The following AFF3 variants were observed in gnomAD, a reference collection of about 807,000 sequenced individuals.
The protein encoded by AFF3 is ALF transcription elongation factor 3, also known as AF4/FMR2 family member 3.
In AFF3, 32 loss-of-function variants were observed where a neutral mutation model predicts 129.7. The ratio of observed to expected loss-of-function variants is 0.25; its 90% confidence interval spans 0.19 to 0.33. The LOEUF (loss-of-function observed/expected upper bound fraction) is 0.33. AFF3 is among the 10% of genes least tolerant of loss of function. The pLI is 1.00. For synonymous variants in AFF3, 644 were observed against 635.4 expected (o/e 1.01, Z -0.20); for missense variants, 1,373 against 1,592.0 (o/e 0.86, Z 2.34).
intron 7 of AFF3, among the ~76,000 whole-genome samples, chr2:99,890,219 C>G (rs1324664134): frequency 1.3e-5 from 2 of 152,156 alleles, no homozygotes; most frequent in Admixed American, 1.3e-4. Flanking sequence ...CTACAGGTGG[C>G]CACTTCCACC....
chr2:99,990,413 A>T (rs1680237282), intron 7 of AFF3, among the ~76,000 whole-genome samples: 1 of 152,204 alleles, frequency 6.6e-6, no homozygotes, highest in Non-Finnish European at 1.5e-5. Flanking sequence ...TAAATAGTTA[A>T]GATGGTAAAT....
Position 99,551,351 on chromosome 2 carries a change from T to C in AFF3, c.*123A>G. 3 of 1,344,628 alleles carry C rather than the reference T, an allele frequency of 2.2e-6. No individual in the cohort carries two copies. Among genetic ancestry groups the C allele is most frequent in the Non-Finnish European group, 3.0e-6 (3 of 988,280 alleles). 83.3% of individuals were successfully genotyped at this position (1,344,628 alleles called of 1,614,324 possible). A position where few individuals can be genotyped will look rare whatever the true frequency, so the allele number is the denominator to read the frequency against. On this transcript the variant is annotated 3_prime_UTR_variant, in exon 25 of 25. Transcript: ENST00000672756. ...TGCCCTGCAAAAGATCATTGTTCAA[T>C]GCTGAGGAAATGTTCACCGCAGTCT...
intron 4 of AFF3, among the ~76,000 whole-genome samples, chr2:100,010,883 C>T (rs542718008): frequency 2.4e-4 from 37 of 152,180 alleles, no homozygotes; most frequent in African/African-American, 3.6e-4. Flanking sequence ...ATATGACCCA[C>T]ACTGCAGATG....
At chr2:99,895,073 T>C (rs1693842359) in intron 7 of AFF3, among the ~76,000 whole-genome samples, 1 of 152,214 alleles carries the variant, frequency 6.6e-6, no homozygotes, top group African/African-American at 2.4e-5. Context: ...AACCACACCA[T>C]GATTACACCA....
intron 8 of AFF3, among the ~76,000 whole-genome samples, chr2:99,824,412 G>T (rs556582006): frequency 1.3e-5 from 2 of 152,236 alleles, no homozygotes; most frequent in Non-Finnish European, 2.9e-5. Context: ...ACAGCACCCA[G>T]CCCAAAATCC....
At chr2:99,917,940 T>C (rs998172481) in intron 7 of AFF3, among the ~76,000 whole-genome samples, 3 of 151,914 alleles carry the variant, frequency 2.0e-5, no homozygotes, top group Non-Finnish European at 2.9e-5. Flanking sequence ...GAAATAAAAA[T>C]CCTAGGAAGA....
At position 100,015,007 on chromosome 2, in the gene AFF3, C is replaced by T. The variant is rs186461866; in HGVS notation, c.54-6075G>A. On this transcript the variant is annotated intron_variant, in intron 4 of 24. Coordinates refer to ENST00000672756, the MANE Select transcript of AFF3 (RefSeq NM_001386135.1). ...ATTTAGTAGAGACAGGGTTTCAGGA[C>T]GTTAGCCAGGATGGTCTCGATCTCC... is the stretch of plus-strand genomic sequence containing the variant. Among the ~76,000 whole-genome samples the T allele has an allele frequency of 5.4e-4, 75 of 139,958 alleles. 1 individual carries two copies. The highest frequency in any genetic ancestry group is 1.9e-3 in the African/African-American group (69 of 36,570). The allele number at this position is 139,958 out of a possible 152,430, so 91.8% of individuals were successfully genotyped here.
intron 11 of AFF3, among the ~76,000 whole-genome samples, chr2:99,703,263 C>G (rs1291962003): frequency 2.0e-5 from 3 of 152,194 alleles, no homozygotes; most frequent in African/African-American, 7.2e-5. Flanking sequence ...TCTTCAAAGC[C>G]AGCAGCATTT....
intron 9 of AFF3, 143 bp downstream of exon 9, chr2:99,752,078 C>T: frequency 2.9e-6 from 2 of 683,008 alleles, no homozygotes; most frequent in South Asian, 2.1e-5. Flanking sequence ...TAAGTATGCG[C>T]TTGCAAATTG....
intron 7 of AFF3, among the ~76,000 whole-genome samples, chr2:99,878,293 C>T (rs1692448667): frequency 6.6e-6 from 1 of 152,142 alleles, no homozygotes; most frequent in African/African-American, 2.4e-5. Flanking sequence ...GGCTAAATTA[C>T]AACTTTGGGG....
Position 99,578,425 on chromosome 2 carries a change from G to A in AFF3, c.2820C>T (p.Asn940=). The A allele has an allele frequency of 1.2e-6, 2 of 1,611,458 alleles. No individual in the cohort carries two copies. Among genetic ancestry groups the A allele is most frequent in the Non-Finnish European group, 1.7e-6 (2 of 1,179,092 alleles). The change falls in exon 18 of 25, where the codon AAC becomes AAT. Residue 940 remains asparagine, a synonymous_variant. Transcript: ENST00000672756. ...LTKAAHNNSE[N]IPLHKSRPQT... is the part of the protein sequence containing the mutation. ...GCGGCCGTGACTTGTGGAGGGGAATGTTTTCAGAATTGTTGTGAGCTGCTT... is the reference window on the plus strand; with the variant it reads ...GCGGCCGTGACTTGTGGAGGGGAATATTTTCAGAATTGTTGTGAGCTGCTT...
chr2:100,056,054 G>T (rs1259162860), intron 4 of AFF3, among the ~76,000 whole-genome samples: 1 of 135,638 alleles, frequency 7.4e-6, no homozygotes, highest in African/African-American at 2.9e-5. Context: ...AAAAATCGCT[G>T]TCTCTCTCTC....
At chr2:99,681,073 CT>C (rs1031746877) in intron 11 of AFF3, among the ~76,000 whole-genome samples, 2 of 151,628 alleles carry the variant, frequency 1.3e-5, no homozygotes, top group Non-Finnish European at 2.9e-5. Flanking sequence ...TTTTTCTTTT[CT>C]TTTTTTAAAG....
At chr2:100,029,543 G>C (rs1216968491) in intron 4 of AFF3, among the ~76,000 whole-genome samples, 1 of 152,180 alleles carries the variant, frequency 6.6e-6, no homozygotes, top group Non-Finnish European at 1.5e-5. Flanking sequence ...ATGATGCTGA[G>C]TGAAATAAGC....
At chr2:100,107,574 C>CA in intron 2 of AFF3, 1 of 910,238 alleles carries the variant, frequency 1.1e-6, no homozygotes, top group Non-Finnish European at 1.3e-6. Context: ...CTTTTCTCCC[C>CA]ACATGGATGC....
At chr2:99,766,512 A>G (rs560164296) in intron 8 of AFF3, among the ~76,000 whole-genome samples, 1 of 152,342 alleles carries the variant, frequency 6.6e-6, no homozygotes, top group East Asian at 1.9e-4. Flanking sequence ...CAGAGGCTGG[A>G]GGAAAGCTGG....
chr2:100,046,132 G>A (rs1685809449), intron 4 of AFF3, among the ~76,000 whole-genome samples: 1 of 152,142 alleles, frequency 6.6e-6, no homozygotes, highest in Admixed American at 6.5e-5. Context: ...TTCTTGATCT[G>A]TAAAACAGGA....
intron 8 of AFF3, among the ~76,000 whole-genome samples, chr2:99,818,656 T>C (rs540668112): frequency 6.6e-6 from 1 of 152,336 alleles, no homozygotes; most frequent in South Asian, 2.1e-4. Context: ...TAGTCATTTG[T>C]CAATAAATGA....
At chr2:99,720,214 A>T (rs969614533) in intron 11 of AFF3, among the ~76,000 whole-genome samples, 4 of 151,976 alleles carry the variant, frequency 2.6e-5, no homozygotes, top group African/African-American at 9.7e-5. Context: ...TTGGAATTTG[A>T]TCCCCAGTGT....
Sources: allele counts gnomAD v4.1 joint callset (sites outside exome capture counted in the v4.1 genomes callset), GRCh38; gene constraint gnomAD v4.1.1; transcripts MANE v1.5; gene names NCBI Gene and HGNC (gene_info 2026-07-23, HGNC 2026-07-21).